SLCO3A1: variants seen among roughly 807,000 people sequenced by gnomAD.
SLCO3A1 encodes the protein solute carrier organic anion transporter family member 3A1, also known as PGE1 transporter.
Under a neutral mutation model 63.1 loss-of-function variants are expected in SLCO3A1, and 27 were observed. The observed-to-expected ratio is 0.43, with a 90% confidence interval of 0.32 to 0.59. The LOEUF (loss-of-function observed/expected upper bound fraction) is 0.59. Ranked by LOEUF, SLCO3A1 falls within the 20% of genes least tolerant of loss-of-function variation. SLCO3A1 has a pLI of 0.09. For synonymous variants in SLCO3A1, 473 were observed against 409.9 expected, an observed-to-expected ratio of 1.15 and a Z score of -1.86; for missense variants, 773 against 945.8, an observed-to-expected ratio of 0.82 and a Z score of 2.40.
intron 1 of SLCO3A1, among the ~76,000 whole-genome samples, chr15:91,881,732 G>T (rs1897593517): frequency 6.6e-6 from 1 of 152,162 alleles, no homozygotes. Flanking sequence ...CAAGTCCCCT[G>T]TGGTAAATAA....
chr15:91,914,893 A>G (rs1318278702), intron 1 of SLCO3A1, among the ~76,000 whole-genome samples: 1 of 152,022 alleles, frequency 6.6e-6, no homozygotes, highest in African/African-American at 2.4e-5. Context: ...CTCTTCCATG[A>G]TGAAATCATG....
At position 92,126,136 on chromosome 15, in the gene SLCO3A1, C is replaced by T; in HGVS notation, c.1250C>T (p.Ala417Val). 6.2e-7 allele frequency: 1 copy of T among 1,614,014 alleles called. No individual in the cohort carries two copies. The highest frequency in any genetic ancestry group is 2.2e-5 in the East Asian group (1 of 44,838). ...GLLVKKLSLS[A>V]LGAIRMAMLV... ...TTGGTGAAGAAGCTCAGCCTGTCTG[C>T]CCTGGGGGCCATTCGGATGGCCATG... The change falls in exon 6 of 10, where the codon GCC becomes GTC. Residue 417 changes from alanine (A) to valine (V), a missense_variant. Transcript: ENST00000318445.
intron 4 of SLCO3A1, among the ~76,000 whole-genome samples, chr15:92,105,907 A>G (rs2047662076): frequency 1.3e-5 from 2 of 152,110 alleles, no homozygotes; most frequent in South Asian, 4.1e-4. Context: ...CTGTGTAACA[A>G]TGTGCGCCTT....
chr15:91,915,477 G>C (rs1257151043), intron 1 of SLCO3A1, among the ~76,000 whole-genome samples: 1 of 152,184 alleles, frequency 6.6e-6, no homozygotes, highest in Non-Finnish European at 1.5e-5. Context: ...GGCTGATTTA[G>C]CTTGTGCATT....
At chr15:92,083,721 G>C (rs1272704242) in intron 2 of SLCO3A1, among the ~76,000 whole-genome samples, 1 of 152,206 alleles carries the variant, frequency 6.6e-6, no homozygotes, top group Admixed American at 6.5e-5. Flanking sequence ...ATGCATGTCA[G>C]TGTTTCTGGG....
chr15:92,103,132 A>C (rs1007863425), intron 3 of SLCO3A1, among the ~76,000 whole-genome samples: 1 of 152,274 alleles, frequency 6.6e-6, no homozygotes, highest in African/African-American at 2.4e-5. Context: ...TGAAGTGTTC[A>C]TCTGGTGTGT....
At chr15:92,073,662 A>C (rs2047242396) in intron 2 of SLCO3A1, among the ~76,000 whole-genome samples, 1 of 151,952 alleles carries the variant, frequency 6.6e-6, no homozygotes, top group Admixed American at 6.6e-5. Flanking sequence ...TAGTTTCTCA[A>C]CTCCATCTCA....
intron 7 of SLCO3A1, among the ~76,000 whole-genome samples, chr15:92,131,871 C>A (rs951037778): frequency 2.7e-5 from 4 of 146,156 alleles, no homozygotes; most frequent in Admixed American, 6.8e-5. Flanking sequence ...GCCCTTCCTG[C>A]AAACCCCTAT....
rs1486287614 is a variant in SLCO3A1, at chr15:91,941,435, A to G, written c.646+24977A>G. On this transcript the variant is annotated intron_variant, in intron 2 of 9. Coordinates refer to ENST00000318445, the MANE Select transcript of SLCO3A1 (RefSeq NM_013272.4). The surrounding 1 kb of genome is among the most constrained non-coding windows in gnomAD (Gnocchi z 4.4). ...ACGGGAGTGGCGCTGTCACTCGTTG[A>G]GGTGGTGGCCTGGTTCCTTTGGCCT... The G allele has an allele frequency of 2.4e-6, 1 of 425,470 alleles. No individual in the cohort carries two copies. Among genetic ancestry groups the G allele is most frequent in the Non-Finnish European group, 4.7e-6 (1 of 212,774 alleles). The allele number at this position is 425,470 out of a possible 1,614,324, so 26.4% of individuals were successfully genotyped here. A position where few individuals can be genotyped will look rare whatever the true frequency, so the allele number is the denominator to read the frequency against.
chr15:91,902,567 G>A (rs1197172928), intron 1 of SLCO3A1, among the ~76,000 whole-genome samples: 1 of 152,058 alleles, frequency 6.6e-6, no homozygotes, highest in Non-Finnish European at 1.5e-5. Flanking sequence ...CTACATGGGA[G>A]TAGGAGGGAG....
At position 92,126,291 on chromosome 15, in the gene SLCO3A1, C is replaced by T. The variant is rs201937713; in HGVS notation, c.1373+32C>T. ...ACTGGCAGTGTCTGCCGCCTTCCTG[C>T]CTGTTCAGGGACCCTAGCAATCTCC... is the stretch of plus-strand genomic sequence containing the variant. On this transcript the variant is annotated intron_variant, in intron 6 of 9. Coordinates refer to ENST00000318445, the MANE Select transcript of SLCO3A1 (RefSeq NM_013272.4). The T allele has an allele frequency of 2.0e-5, 31 of 1,582,908 alleles. No homozygotes were observed. The East Asian group carries it at 4.9e-4, about 25-fold the overall frequency.
intron 1 of SLCO3A1, among the ~76,000 whole-genome samples, chr15:91,873,539 C>G (rs1426709624): frequency 2.0e-5 from 3 of 150,460 alleles, no homozygotes; most frequent in African/African-American, 7.4e-5. Flanking sequence ...CATACACACA[C>G]ACACACACAC....
At chr15:91,869,863 T>C (rs1266712405) in intron 1 of SLCO3A1, among the ~76,000 whole-genome samples, 2 of 152,198 alleles carry the variant, frequency 1.3e-5, no homozygotes, top group Non-Finnish European at 2.9e-5. Flanking sequence ...GTTCTCAGAA[T>C]AAAACTCTTC....
chr15:91,915,723 G>T (rs1299405199), intron 1 of SLCO3A1, among the ~76,000 whole-genome samples: 1 of 152,170 alleles, frequency 6.6e-6, no homozygotes, highest in Non-Finnish European at 1.5e-5. Flanking sequence ...GAGGGTAGAA[G>T]CTTTCAGGAT....
intron 4 of SLCO3A1, among the ~76,000 whole-genome samples, chr15:92,117,518 A>G (rs1176696110): frequency 6.6e-6 from 1 of 152,228 alleles, no homozygotes. Flanking sequence ...TCTTTATTCC[A>G]AAAGAGCACT....
Position 91,927,818 on chromosome 15 carries a change from A to G in SLCO3A1, c.646+11360A>G, listed in dbSNP as rs146127879. ...ATTCTCAGCAAGAGGTCTCATTAAC[A>G]CAGCAAGGATCTAATAGATTCTAAA... On this transcript the variant is annotated intron_variant, in intron 2 of 9. Transcript: ENST00000318445. Among the ~76,000 whole-genome samples the G allele has an allele frequency of 9.0e-3, 1,372 of 152,332 alleles. 28 individuals carry two copies. Among genetic ancestry groups the G allele is most frequent in the African/African-American group, 0.031 (1,305 of 41,574 alleles).
intron 3 of SLCO3A1, 24 bp downstream of exon 3, chr15:92,095,003 A>G (rs769719552): frequency 2.0e-6 from 3 of 1,481,746 alleles, no homozygotes; most frequent in South Asian, 2.3e-5. Context: ...CTCCATGTCT[A>G]CCTTCCATCC....
intron 1 of SLCO3A1, among the ~76,000 whole-genome samples, chr15:91,884,991 C>G (rs1897688438): frequency 6.6e-6 from 1 of 152,146 alleles, no homozygotes; most frequent in African/African-American, 2.4e-5. Flanking sequence ...GTCTGATTCC[C>G]TTCCTCAGTG....
At position 91,954,010 on chromosome 15, in the gene SLCO3A1, T is replaced by C. The variant is rs1384698577; in HGVS notation, c.646+37552T>C. ...TTGTTTTTAAATAGGGGTATGTCTA[T>C]GGATATTTACTGTATTAGAAATTAA... On this transcript the variant is annotated intron_variant, in intron 2 of 9. Coordinates refer to ENST00000318445, the MANE Select transcript of SLCO3A1 (RefSeq NM_013272.4). The surrounding 1 kb of genome is among the most constrained non-coding windows in gnomAD (Gnocchi z 4.7). 6.6e-6 allele frequency among the ~76,000 whole-genome samples: 1 copy of C among 152,204 alleles called. No individual in the cohort carries two copies. The highest frequency in any genetic ancestry group is 1.9e-4 in the East Asian group (1 of 5,188).
Sources: gnomAD v4.1 joint callset for allele counts (sites outside exome capture counted in the v4.1 genomes callset) on GRCh38, gnomAD v4.1.1 for gene constraint, Gnocchi (gnomAD v3.1) non-coding constraint, MANE v1.5 for transcripts, NCBI Gene and HGNC (gene_info 2026-07-23, HGNC 2026-07-21) for gene names.